The following ADAMTS14 variants were observed in gnomAD, a reference collection of about 807,000 sequenced individuals.
ADAMTS14 encodes ADAM metallopeptidase with thrombospondin type 1 motif 14.
Under a neutral mutation model 128.6 loss-of-function variants are expected in ADAMTS14, and 100 were observed. That is an observed-to-expected ratio of 0.78 (90% CI 0.66 to 0.92). ADAMTS14 has a LOEUF of 0.92. Ranked by LOEUF, ADAMTS14 falls within the 40% of genes least tolerant of loss-of-function variation. The probability of loss-of-function intolerance (pLI) is 0.00; values close to 1 mark genes in which losing one functional copy is unlikely to be tolerated. For synonymous variants in ADAMTS14, 665 were observed against 653.8 expected (o/e 1.02, Z -0.26); for missense variants, 1,562 against 1,658.6 (o/e 0.94, Z 1.01).
At chr10:70,745,471 T>C in intron 15 of ADAMTS14, 165 bp downstream of exon 15, 1 of 746,360 alleles carries the variant, frequency 1.3e-6, no homozygotes, top group Non-Finnish European at 2.3e-6. Context: ...TTATGCTGCA[T>C]GGGTAACCCA....
At chr10:70,740,508 C>T (rs758030904) in intron 11 of ADAMTS14, among the ~76,000 whole-genome samples, 2 of 152,222 alleles carry the variant, frequency 1.3e-5, no homozygotes, top group Non-Finnish European at 2.9e-5. Context: ...ACTTGGAAGC[C>T]AGCTCTTCTG....
Position 70,735,244 on chromosome 10 carries a change from C to A in ADAMTS14, c.1428C>A (p.Tyr476Ter). The change falls in exon 9 of 22, where the codon TAC becomes TAA. Residue 476 changes from tyrosine to a stop codon, truncating the protein, a stop_gained. Coordinates refer to ENST00000373207, the MANE Select transcript of ADAMTS14 (RefSeq NM_080722.4). LOFTEE classifies it high-confidence loss of function. ...PQPPELPGIN[Y>*]SMDEQCRFDF... ...CCCCAGAGCTGCCTGGGATCAACTA[C>A]TCAATGGATGAGCAGTGCCGCTTTG... 1 of 1,614,102 alleles carries A rather than the reference C, an allele frequency of 6.2e-7. No individual in the cohort carries two copies. Among genetic ancestry groups the A allele is most frequent in the Non-Finnish European group, 8.5e-7 (1 of 1,179,982 alleles).
intron 7 of ADAMTS14, among the ~76,000 whole-genome samples, chr10:70,733,271 A>G (rs181388037): frequency 3.3e-5 from 5 of 152,334 alleles, no homozygotes; most frequent in African/African-American, 1.2e-4. Context: ...AGAACTTAGA[A>G]TTCTTGGGAT....
chr10:70,742,296 T>C (rs895801926), intron 12 of ADAMTS14, among the ~76,000 whole-genome samples: 3 of 151,712 alleles, frequency 2.0e-5, no homozygotes, highest in African/African-American at 7.3e-5. Context: ...CAGACCCAGG[T>C]CCCTACAGGA....
chr10:70,673,016 T>G, intron 1 of ADAMTS14, 132 bp downstream of exon 1: 1 of 1,262,236 alleles, frequency 7.9e-7, no homozygotes, highest in Middle Eastern at 2.9e-4. Context: ...TGGGCTGATT[T>G]GCTGTCTTTT....
rs543845977 is a variant in ADAMTS14 at position 70,676,527 on chromosome 10, C to G, written c.522+1532C>G. The stretch of plus-strand genomic sequence containing the variant: ...AATCACCTGAGCACCTTGTCAGGTG[C>G]GCAGAATCTGCCTCTCAGGGGAGGG... On this transcript the variant is annotated intron_variant, in intron 2 of 21. Coordinates refer to ENST00000373207, the MANE Select transcript of ADAMTS14 (RefSeq NM_080722.4). Among the ~76,000 whole-genome samples, 4 of 152,282 alleles carry G rather than the reference C, an allele frequency of 2.6e-5. No individual in the cohort carries two copies. In the South Asian group the frequency reaches 6.2e-4, roughly 24 times the overall value.
chr10:70,730,391 G>A, intron 6 of ADAMTS14, 142 bp downstream of exon 6: 9 of 1,206,190 alleles, frequency 7.5e-6, no homozygotes, highest in Non-Finnish European at 9.0e-6. Context: ...AGCCGAGGAT[G>A]AGCTTTGCAA....
At chr10:70,675,649 C>T (rs965606021) in intron 2 of ADAMTS14, among the ~76,000 whole-genome samples, 7 of 152,212 alleles carry the variant, frequency 4.6e-5, no homozygotes, top group Admixed American at 2.6e-4. Flanking sequence ...CCACTGCTTC[C>T]GCAATGCTTC....
intron 13 of ADAMTS14, 112 bp downstream of exon 13, chr10:70,743,793 C>T: frequency 7.2e-7 from 1 of 1,390,874 alleles, no homozygotes; most frequent in Non-Finnish European, 9.5e-7. Flanking sequence ...ACTCGCAACA[C>T]CCTGTTGGTC....
intron 4 of ADAMTS14, among the ~76,000 whole-genome samples, chr10:70,719,083 T>C (rs891123762): frequency 6.6e-6 from 1 of 152,032 alleles, no homozygotes; most frequent in African/African-American, 2.4e-5. Context: ...GCTACCGGCA[T>C]CTAGTTGGTA....
chr10:70,733,747 T>C, intron 7 of ADAMTS14, 138 bp from the exon 8 acceptor site: 1 of 1,117,500 alleles, frequency 8.9e-7, no homozygotes, highest in South Asian at 1.7e-5. Flanking sequence ...CACTACGTGG[T>C]TGGAAAACTG....
In ADAMTS14 at chr10:70,672,888, C is replaced by A; in HGVS notation, c.82+4C>A. ...GCCGCGGGCAGCCGGACCCCAGGTG[C>A]GTGCGGGTTGGGCGCGCGGGGGCCC... is the stretch of plus-strand genomic sequence containing the variant. On this transcript the variant is annotated splice_donor_region_variant and intron_variant, in intron 1 of 21. Coordinates refer to ENST00000373207, the MANE Select transcript of ADAMTS14 (RefSeq NM_080722.4). 1.4e-6 allele frequency: 2 copies of A among 1,481,194 alleles called. No homozygotes were observed. The highest frequency in any genetic ancestry group is 8.9e-7 in the Non-Finnish European group (1 of 1,122,382). The allele number at this position is 1,481,194 out of a possible 1,614,324, so 91.8% of individuals were successfully genotyped here.
intron 2 of ADAMTS14, among the ~76,000 whole-genome samples, chr10:70,696,788 G>A (rs900470459): frequency 4.6e-5 from 7 of 152,178 alleles, no homozygotes; most frequent in African/African-American, 1.7e-4. Flanking sequence ...AGGTTTCTGG[G>A]TTGTAGCAGC....
At chr10:70,703,168 G>C (rs955944298) in intron 3 of ADAMTS14, among the ~76,000 whole-genome samples, 3 of 152,218 alleles carry the variant, frequency 2.0e-5, no homozygotes, top group African/African-American at 7.2e-5. Flanking sequence ...CTGAGGGAAG[G>C]GGTGTCCCTG....
intron 2 of ADAMTS14, among the ~76,000 whole-genome samples, chr10:70,696,227 T>A (rs1840328237): frequency 6.6e-6 from 1 of 151,490 alleles, no homozygotes; most frequent in South Asian, 2.1e-4. Flanking sequence ...CTTGAGGAGG[T>A]AACAGAGAGG....
chr10:70,722,295 A>G (rs574934281), intron 4 of ADAMTS14, among the ~76,000 whole-genome samples: 1 of 152,158 alleles, frequency 6.6e-6, no homozygotes, highest in African/African-American at 2.4e-5. Flanking sequence ...CTGAGACTCC[A>G]TGTTGCTGTC....
intron 9 of ADAMTS14, 95 bp downstream of exon 9, chr10:70,735,396 G>T: frequency 1.3e-6 from 2 of 1,492,620 alleles, no homozygotes; most frequent in Non-Finnish European, 1.8e-6. Context: ...CTTCTGCCCA[G>T]CTGGCCAGTG....
intron 3 of ADAMTS14, among the ~76,000 whole-genome samples, chr10:70,706,390 A>T (rs1840668633): frequency 6.6e-6 from 1 of 152,200 alleles, no homozygotes. Flanking sequence ...CAAGTGTGGC[A>T]TTCCACTCGC....
chr10:70,721,583 T>C (rs1295728901), intron 4 of ADAMTS14, among the ~76,000 whole-genome samples: 2 of 151,934 alleles, frequency 1.3e-5, no homozygotes, highest in African/African-American at 4.8e-5. Context: ...GAGACGGGGT[T>C]TCACCGTGTT....
Sources: allele counts gnomAD v4.1 joint callset (sites outside exome capture counted in the v4.1 genomes callset), GRCh38; gene constraint gnomAD v4.1.1; transcripts MANE v1.5; gene names NCBI Gene and HGNC (gene_info 2026-07-23, HGNC 2026-07-21).